The following OSBPL6 variants were observed in gnomAD, a reference collection of about 807,000 sequenced individuals.
The protein encoded by OSBPL6 is oxysterol-binding protein-related protein 6.
Under a neutral mutation model 125.8 loss-of-function variants are expected in OSBPL6, and 49 were observed. The ratio of observed to expected loss-of-function variants is 0.39; its 90% CI spans 0.31 to 0.49. The LOEUF is 0.49. OSBPL6 is among the 20% of genes least tolerant of loss of function. The pLI is 0.88. For synonymous variants in OSBPL6, 394 were observed against 391.8 expected, an observed-to-expected ratio of 1.01 and a Z score of -0.07; for missense variants, 986 against 1,135.4, an observed-to-expected ratio of 0.87 and a Z score of 1.89.
chr2:178,298,581 A>T (rs1685968950), intron 2 of OSBPL6, among the ~76,000 whole-genome samples: 1 of 151,994 alleles, frequency 6.6e-6, no homozygotes, highest in Admixed American at 6.6e-5. Context: ...GTACCATCAC[A>T]TTCAGCTAAT....
chr2:178,246,068 TC>T (rs1261564934), intron 1 of OSBPL6, among the ~76,000 whole-genome samples: 1 of 152,178 alleles, frequency 6.6e-6, no homozygotes, highest in African/African-American at 2.4e-5. Flanking sequence ...ATCAGTTACA[TC>T]CTCTTGTCAG....
At chr2:178,260,497 A>G (rs1203603244) in intron 1 of OSBPL6, among the ~76,000 whole-genome samples, 2 of 151,894 alleles carry the variant, frequency 1.3e-5, no homozygotes, top group African/African-American at 2.4e-5. Context: ...GGCTCATTCT[A>G]TTTTTTTGTC....
chr2:178,260,507 C>G (rs1027391404), intron 1 of OSBPL6, among the ~76,000 whole-genome samples: 1 of 151,974 alleles, frequency 6.6e-6, no homozygotes, highest in Non-Finnish European at 1.5e-5. Context: ...ATTTTTTTGT[C>G]TGCAGACCTG....
At chr2:178,380,399 G>T (rs1390541587) in intron 15 of OSBPL6, among the ~76,000 whole-genome samples, 1 of 139,290 alleles carries the variant, frequency 7.2e-6, no homozygotes, top group Non-Finnish European at 1.5e-5. Context: ...TCAGGTTGCA[G>T]TGAGCTGTGA....
At chr2:178,340,024 T>C (rs999174369) in intron 11 of OSBPL6, among the ~76,000 whole-genome samples, 4 of 152,142 alleles carry the variant, frequency 2.6e-5, no homozygotes, top group Admixed American at 1.3e-4. Flanking sequence ...ATTATAGCCT[T>C]TGAACCATTA....
rs183428601 is a variant in OSBPL6, at chr2:178,344,891, T to C, written c.988-4333T>C. ...GTTACACTTAGCAAGGGAAAATTGT[T>C]TTCTGAAAAGAATATTGACATGAAA... On this transcript the variant is annotated intron_variant, in intron 11 of 24. Coordinates refer to ENST00000190611, the MANE Select transcript of OSBPL6 (RefSeq NM_032523.4). Among the ~76,000 whole-genome samples, 181 of 152,276 alleles carry C rather than the reference T, an allele frequency of 1.2e-3. 1 individual carries two copies. Among genetic ancestry groups the C allele is most frequent in the African/African-American group, 4.0e-3 (168 of 41,568 alleles).
chr2:178,236,478 G>A (rs2091055970), intron 1 of OSBPL6, among the ~76,000 whole-genome samples: 1 of 152,190 alleles, frequency 6.6e-6, no homozygotes, highest in African/African-American at 2.4e-5. Flanking sequence ...AGACAGCGTT[G>A]GTTTCTGTGT....
intron 1 of OSBPL6, among the ~76,000 whole-genome samples, chr2:178,233,204 G>T (rs960548004): frequency 6.6e-6 from 1 of 152,176 alleles, no homozygotes; most frequent in Non-Finnish European, 1.5e-5. Flanking sequence ...TTCAGGCTTG[G>T]ATAGGTTTGG....
In OSBPL6 at chr2:178,372,183, A is replaced by G. The variant is rs761976904; in HGVS notation, c.1345A>G (p.Ile449Val). Residue 449 changes from isoleucine to valine, a missense_variant, in exon 14 of 25, where the codon ATT becomes GTT. Ile to Val is a conservative substitution (Grantham distance 29). This residue lies in a region of OSBPL6 where 843 missense variants were observed against 997.3 expected (regional missense o/e 0.85). Coordinates refer to ENST00000190611, the MANE Select transcript of OSBPL6 (RefSeq NM_032523.4). ...SRLNRIHSESIICDQVVSVNI... is the reference protein window; with the variant it reads ...SRLNRIHSESVICDQVVSVNI... ...GTTGAACAGAATACATTCAGAGTCTATTATTTGTGATCAGGTTGTCAGTGT... is the reference window on the plus strand; with the variant it reads ...GTTGAACAGAATACATTCAGAGTCTGTTATTTGTGATCAGGTTGTCAGTGT... 1 of 1,613,314 alleles carries G rather than the reference A, an allele frequency of 6.2e-7. No individual in the cohort carries two copies. Among genetic ancestry groups the G allele is most frequent in the South Asian group, 1.1e-5 (1 of 91,024 alleles).
chr2:178,372,872 AAC>A (rs939486538), intron 14 of OSBPL6, among the ~76,000 whole-genome samples: 1 of 150,296 alleles, frequency 6.7e-6, no homozygotes, highest in Non-Finnish European at 1.5e-5. Context: ...AGAATAGGAG[AAC>A]ATTCAGTATA....
intron 16 of OSBPL6, 122 bp from the exon 17 acceptor site, chr2:178,382,902 A>G: frequency 6.8e-7 from 1 of 1,460,830 alleles, no homozygotes; most frequent in Non-Finnish European, 9.1e-7. Flanking sequence ...TTACTTTTGA[A>G]AAGATATAAT....
chr2:178,287,149 T>TTTA (rs1491376390), intron 2 of OSBPL6, among the ~76,000 whole-genome samples: 9 of 125,490 alleles, frequency 7.2e-5, no homozygotes, highest in African/African-American at 1.9e-4. Flanking sequence ...CTTCTTTTTT[T>TTTA]AAAAAAAAAA....
At chr2:178,361,644 A>G in intron 12 of OSBPL6, 38 bp from the exon 13 acceptor site, 5 of 1,610,228 alleles carry the variant, frequency 3.1e-6, no homozygotes, top group Non-Finnish European at 4.2e-6. Context: ...CTTTCTGCAC[A>G]TATCTGACAG....
intron 1 of OSBPL6, among the ~76,000 whole-genome samples, chr2:178,253,075 G>T (rs2091754878): frequency 6.6e-6 from 1 of 151,836 alleles, no homozygotes; most frequent in African/African-American, 2.4e-5. Context: ...AGGCTGGAGT[G>T]CAATGGCATG....
chr2:178,344,724 T>C (rs1690546027), intron 11 of OSBPL6, among the ~76,000 whole-genome samples: 1 of 152,234 alleles, frequency 6.6e-6, no homozygotes, highest in Non-Finnish European at 1.5e-5. Flanking sequence ...GATTTCTCTT[T>C]TCCTAAGAAA....
intron 1 of OSBPL6, among the ~76,000 whole-genome samples, chr2:178,271,110 G>GT (rs2092366600): frequency 6.6e-6 from 1 of 151,940 alleles, no homozygotes; most frequent in Non-Finnish European, 1.5e-5. Flanking sequence ...GCCCTATCCA[G>GT]TTTTTTTTAA....
chr2:178,236,660 T>C (rs1487860768), intron 1 of OSBPL6, among the ~76,000 whole-genome samples: 1 of 152,232 alleles, frequency 6.6e-6, no homozygotes, highest in Non-Finnish European at 1.5e-5. Flanking sequence ...CAAAGACTGA[T>C]GCTGGTAGGA....
chr2:178,291,829 T>TCCATCCATCCATC (rs61197503), intron 2 of OSBPL6, among the ~76,000 whole-genome samples: 3,675 of 109,190 alleles, frequency 0.034, 72 homozygotes, highest in Middle Eastern at 0.051. Flanking sequence ...ATCCATCCAT[T>TCCATCCATCCATC]CATCCTTGAT....
At chr2:178,200,247 CTTTTTTTTTTTT>C (rs767677596) in intron 1 of OSBPL6, among the ~76,000 whole-genome samples, 1 of 109,742 alleles carries the variant, frequency 9.1e-6, no homozygotes, top group South Asian at 3.3e-4. Flanking sequence ...TTCTTCAGAC[CTTTTTTTTTTTT>C]TTTTTTTTTT....
Sources: allele counts gnomAD v4.1 joint callset (sites outside exome capture counted in the v4.1 genomes callset), GRCh38; gene constraint gnomAD v4.1.1; regional missense constraint gnomAD v4.1.1; transcripts MANE v1.5; gene names NCBI Gene and HGNC (gene_info 2026-07-23, HGNC 2026-07-21).